Variants in DLG2 observed in about 807,000 individuals in gnomAD.
The protein encoded by DLG2 is disks large homolog 2.
A neutral mutation model predicts 132.5 loss-of-function variants in DLG2; 45 were observed. The observed-to-expected ratio is 0.34, with a 90% CI of 0.27 to 0.44. The LOEUF (loss-of-function observed/expected upper bound fraction) is 0.44. Among genes scored for constraint, DLG2 ranks in the 20% least tolerant of loss-of-function variants. The pLI is 1.00. For missense variants in DLG2, 1,045 were observed against 1,196.9 expected, an observed-to-expected ratio of 0.87 and a Z score of 1.87; for synonymous variants, 424 against 419.6, an observed-to-expected ratio of 1.01 and a Z score of -0.13.
chr11:84,171,292 G>T (rs1419201667), intron 8 of DLG2, among the ~76,000 whole-genome samples: 4 of 152,138 alleles, frequency 2.6e-5, no homozygotes, highest in Non-Finnish European at 4.4e-5. Flanking sequence ...GTGCAGTTTT[G>T]TTACATGGAT....
chr11:84,112,591 T>C (rs1246248450), intron 9 of DLG2, among the ~76,000 whole-genome samples: 1 of 152,142 alleles, frequency 6.6e-6, no homozygotes, highest in Non-Finnish European at 1.5e-5. Context: ...TTATTTCTTC[T>C]AGTATTTCTT....
In DLG2 at chr11:84,436,441, C is replaced by G. The variant is rs530688777; in HGVS notation, c.519+98129G>C. Among the ~76,000 whole-genome samples, 6 of 152,300 alleles carry G rather than the reference C, an allele frequency of 3.9e-5. No homozygotes were observed. In the East Asian group the frequency reaches 9.6e-4, roughly 24 times the overall value. On this transcript the variant is annotated intron_variant, in intron 7 of 27. Transcript: ENST00000376104. The stretch of plus-strand genomic sequence containing the variant: ...CTGTGCCACAGGCCAGGAGAGCCAT[C>G]TCTGGGTCAATCTCATGAGTTTACA...
At chr11:84,362,643 A>T (rs538945556) in intron 7 of DLG2, among the ~76,000 whole-genome samples, 20 of 152,136 alleles carry the variant, frequency 1.3e-4, no homozygotes, top group African/African-American at 4.8e-4. Flanking sequence ...ATGTCTCCCA[A>T]TGCTATCCCT....
chr11:84,118,908 A>G (rs2093770820), intron 9 of DLG2, among the ~76,000 whole-genome samples: 1 of 152,220 alleles, frequency 6.6e-6, no homozygotes, highest in Non-Finnish European at 1.5e-5. Context: ...TCACTGAGGC[A>G]TAAATATGAC....
At chr11:84,404,996 G>A (rs2098843634) in intron 7 of DLG2, among the ~76,000 whole-genome samples, 1 of 152,014 alleles carries the variant, frequency 6.6e-6, no homozygotes, top group South Asian at 2.1e-4. Context: ...ATTATAATAG[G>A]GAAAAGGGAC....
intron 7 of DLG2, among the ~76,000 whole-genome samples, chr11:84,302,866 C>A (rs1035091370): frequency 7.9e-5 from 12 of 151,962 alleles, no homozygotes; most frequent in African/African-American, 2.9e-4. Context: ...GAAGGTGGAT[C>A]ACTTGAGGTC....
At chr11:84,208,602 C>A (rs2096709050) in intron 8 of DLG2, among the ~76,000 whole-genome samples, 4 of 151,966 alleles carry the variant, frequency 2.6e-5, no homozygotes, top group Admixed American at 2.0e-4. Context: ...CTTGGGCATC[C>A]CAAAGTGCTG....
intron 3 of DLG2, among the ~76,000 whole-genome samples, chr11:85,416,477 A>G (rs1204202455): frequency 6.6e-6 from 1 of 152,154 alleles, no homozygotes; most frequent in Non-Finnish European, 1.5e-5. Context: ...AATTCTGTGA[A>G]GAAAGTCATT....
At chr11:83,672,903 T>C (rs1377265228) in intron 18 of DLG2, among the ~76,000 whole-genome samples, 1 of 152,002 alleles carries the variant, frequency 6.6e-6, no homozygotes. Context: ...CTACTAAAAA[T>C]GCAAAAAAAT....
intron 15 of DLG2, among the ~76,000 whole-genome samples, chr11:83,894,130 C>T (rs1264979724): frequency 1.3e-5 from 2 of 152,162 alleles, no homozygotes; most frequent in African/African-American, 4.8e-5. Context: ...CTCATATTTG[C>T]TAAATTATTC....
intron 3 of DLG2, among the ~76,000 whole-genome samples, chr11:85,590,391 T>C (rs1478619973): frequency 2.6e-5 from 4 of 152,184 alleles, no homozygotes; most frequent in Non-Finnish European, 5.9e-5. Context: ...GAAGAAGTGA[T>C]TAATTCTGCT....
chr11:83,463,288 A>T (rs1347194402), intron 26 of DLG2, among the ~76,000 whole-genome samples: 1 of 152,072 alleles, frequency 6.6e-6, no homozygotes, highest in East Asian at 1.9e-4. Context: ...GACATTAGAC[A>T]TTAATGGCTG....
intron 4 of DLG2, among the ~76,000 whole-genome samples, chr11:85,254,644 G>A (rs1008718793): frequency 1.3e-5 from 2 of 152,156 alleles, no homozygotes; most frequent in African/African-American, 2.4e-5. Context: ...GATTTCATGG[G>A]AATCCTGGTA....
At chr11:84,247,940 T>C (rs1462489882) in intron 8 of DLG2, among the ~76,000 whole-genome samples, 1 of 152,212 alleles carries the variant, frequency 6.6e-6, no homozygotes, top group Non-Finnish European at 1.5e-5. Flanking sequence ...TCTGATAATA[T>C]TTTTAAGAAG....
At chr11:85,583,124 GTGTGTGTATATATATATATATATATATA>G (rs1343488840) in intron 3 of DLG2, among the ~76,000 whole-genome samples, 3 of 41,058 alleles carry the variant, frequency 7.3e-5, no homozygotes, top group African/African-American at 2.2e-4. Context: ...GTGTGTGTGT[GTGTGTGTATATATATATATATATATATA>G]TATATATATA....
intron 3 of DLG2, among the ~76,000 whole-genome samples, chr11:85,354,724 C>G (rs1445922901): frequency 6.6e-6 from 1 of 151,684 alleles, no homozygotes; most frequent in Non-Finnish European, 1.5e-5. Context: ...TCCAACGTCA[C>G]TGTTTCTCTC....
chr11:85,500,683 C>A (rs1357888146), intron 3 of DLG2, among the ~76,000 whole-genome samples: 1 of 152,148 alleles, frequency 6.6e-6, no homozygotes, highest in African/African-American at 2.4e-5. Flanking sequence ...TCCTAAGAGA[C>A]TACAGTACTT....
intron 18 of DLG2, among the ~76,000 whole-genome samples, chr11:83,745,944 A>C (rs899049710): frequency 6.6e-6 from 1 of 152,250 alleles, no homozygotes; most frequent in African/African-American, 2.4e-5. Flanking sequence ...TCTCAAAAGA[A>C]GACATTTATG....
intron 7 of DLG2, among the ~76,000 whole-genome samples, chr11:84,370,918 G>A (rs1405740210): frequency 1.3e-5 from 2 of 152,072 alleles, no homozygotes; most frequent in African/African-American, 2.4e-5. Flanking sequence ...TGGGAGGAGG[G>A]CATCTAGGGG....
Sources: allele counts gnomAD v4.1 joint callset (sites outside exome capture counted in the v4.1 genomes callset), GRCh38; gene constraint gnomAD v4.1.1; transcripts MANE v1.5; gene names NCBI Gene and HGNC (gene_info 2026-07-23, HGNC 2026-07-21).